PDXK: variants seen among roughly 807,000 people sequenced by gnomAD.
PDXK encodes pyridoxal kinase, also known as epididymis secretory sperm binding protein Li 1a.
Under a neutral mutation model 43.2 loss-of-function variants are expected in PDXK, and 15 were observed. The observed-to-expected ratio is 0.35, with a 90% confidence interval of 0.23 to 0.53. The LOEUF (loss-of-function observed/expected upper bound fraction) is 0.53. Ranked by LOEUF, PDXK falls within the 20% of genes least tolerant of loss-of-function variation. The pLI, the probability that PDXK is intolerant of heterozygous loss-of-function variation, is 0.92. For synonymous variants in PDXK, 172 were observed against 165.4 expected, an observed-to-expected ratio of 1.04 and a Z score of -0.31; for missense variants, 343 against 417.0, an observed-to-expected ratio of 0.82 and a Z score of 1.54.
In PDXK at chr21:43,750,796, A is replaced by G. The variant is rs1027875906; in HGVS notation, c.510+251A>G. 2.8e-3 allele frequency among the ~76,000 whole-genome samples: 326 copies of G among 116,714 alleles called. 5 individuals carry two copies. Among genetic ancestry groups the G allele is most frequent in the African/African-American group, 0.011 (313 of 28,782 alleles). 76.6% of individuals were successfully genotyped at this position (116,714 alleles called of 152,430 possible). On this transcript the variant is annotated intron_variant, in intron 7 of 10. Transcript: ENST00000291565. ...GTATTGTGTGTGGGTGTGTGTGTGG[A>G]TGTGTGCGTGTGTGCGCGCACCCAT...
chr21:43,727,691 G>T (rs79185811), intron 1 of PDXK, among the ~76,000 whole-genome samples: 3,752 of 152,348 alleles, frequency 0.025, 168 homozygotes, highest in African/African-American at 0.086. Flanking sequence ...TCCAAGGGGT[G>T]GGAGGGAGCC....
chr21:43,748,620 A>G (rs2083678931), intron 5 of PDXK, among the ~76,000 whole-genome samples: 1 of 152,118 alleles, frequency 6.6e-6, no homozygotes, highest in South Asian at 2.1e-4. Flanking sequence ...CATGGCCAGC[A>G]CCCCCAAGCC....
At chr21:43,721,234 A>G (rs9981480) in intron 1 of PDXK, among the ~76,000 whole-genome samples, 113,495 of 152,258 alleles carry the variant, frequency 0.75, 42,664 homozygotes, top group South Asian at 0.83. Context: ...GAGCCTGGAA[A>G]TGGCCTTGGG....
At position 43,734,020 on chromosome 21, in the gene PDXK, C is replaced by A. The variant is rs372546951; in HGVS notation, c.88-49C>A. On this transcript the variant is annotated intron_variant, in intron 1 of 10. Coordinates refer to ENST00000291565, the MANE Select transcript of PDXK (RefSeq NM_003681.5). This position sits in a 1 kb window ranked among gnomAD's most constrained non-coding sequence, Gnocchi z 5.0. ...TCAGCACCTGCTGGGGTTCGTGGGA[C>A]CCCAGACCTGGCTCTCTTACGCCTA... 3.1e-6 allele frequency: 5 copies of A among 1,591,088 alleles called. No individual in the cohort carries two copies. The highest frequency in any genetic ancestry group is 4.3e-6 in the Non-Finnish European group (5 of 1,159,306).
intron 1 of PDXK, among the ~76,000 whole-genome samples, chr21:43,724,404 G>A (rs530614011): frequency 1.0e-3 from 152 of 152,314 alleles, no homozygotes; most frequent in Non-Finnish European, 1.8e-3. Flanking sequence ...AGCAGAAGCT[G>A]CAGAGCTTTG....
Position 43,755,935 on chromosome 21 carries a change from TCTGC to T in PDXK, c.827-10_827-7del. 1 of 1,585,472 alleles carries T rather than the reference TCTGC, an allele frequency of 6.3e-7. No homozygotes were observed. The highest frequency in any genetic ancestry group is 8.6e-7 in the Non-Finnish European group (1 of 1,156,972). On this transcript the variant is annotated splice_polypyrimidine_tract_variant and intron_variant, in intron 10 of 10. Coordinates refer to ENST00000291565, the MANE Select transcript of PDXK (RefSeq NM_003681.5). Reference sequence around the variant, plus strand: ...CCTCTGAGATGGGAACTCAGTGCTCTCTGCCTGCCCCGCAGCCCAGGCCGGGGAA... The same window carrying T: ...CCTCTGAGATGGGAACTCAGTGCTCTCTGCCCCGCAGCCCAGGCCGGGGAA...
chr21:43,748,694 C>T (rs1183243788), intron 5 of PDXK, among the ~76,000 whole-genome samples: 1 of 152,084 alleles, frequency 6.6e-6, no homozygotes, highest in Non-Finnish European at 1.5e-5. Context: ...TCTCCCTCCT[C>T]CCTCCCTCCC....
At position 43,735,695 on chromosome 21, in the gene PDXK, T is replaced by C. The variant is rs977770583; in HGVS notation, c.142+1572T>C. 5.9e-5 allele frequency among the ~76,000 whole-genome samples: 9 copies of C among 151,884 alleles called. No individual in the cohort carries two copies. The highest frequency in any genetic ancestry group is 2.9e-5 in the Non-Finnish European group (2 of 67,944). ...GCTGGTTTAGGACCCCTTAGCCAGC[T>C]CAGTCTATGGCTGTGGGCTGGCTCC... On this transcript the variant is annotated intron_variant, in intron 2 of 10. Transcript: ENST00000291565. This position sits in a 1 kb window ranked among gnomAD's most constrained non-coding sequence, Gnocchi z 5.3.
rs144104363 is a variant in PDXK, at chr21:43,734,691, G to A, written c.142+568G>A. Among the ~76,000 whole-genome samples, 17 of 152,246 alleles carry A rather than the reference G, an allele frequency of 1.1e-4. No individual in the cohort carries two copies. In the East Asian group the frequency reaches 3.1e-3, roughly 28 times the overall value. On this transcript the variant is annotated intron_variant, in intron 2 of 10. Coordinates refer to ENST00000291565, the MANE Select transcript of PDXK (RefSeq NM_003681.5). This position sits in a 1 kb window ranked among gnomAD's most constrained non-coding sequence, Gnocchi z 5.0. ...GACTCTGAGGACTTTGCTGGCTCAG[G>A]GGACTGAGGGTGGCCGGCCTCAGAA...
chr21:43,729,133 C>T (rs1763162005), intron 1 of PDXK: 2 of 528,286 alleles, frequency 3.8e-6, no homozygotes, highest in South Asian at 8.1e-5. Context: ...ACCCCGGCTC[C>T]GCTGGGTGCT....
At chr21:43,751,106 G>A (rs2083743423) in intron 7 of PDXK, among the ~76,000 whole-genome samples, 1 of 152,226 alleles carries the variant, frequency 6.6e-6, no homozygotes, top group South Asian at 2.1e-4. Context: ...AGGAGCAGAT[G>A]CAGCAGCCCA....
In PDXK at chr21:43,756,225, G is replaced by T; in HGVS notation, c.*162G>T. On this transcript the variant is annotated 3_prime_UTR_variant, in exon 11 of 11. Coordinates refer to ENST00000291565, the MANE Select transcript of PDXK (RefSeq NM_003681.5). ...GTCTTCATTGTGAAACGTGCCAGTC[G>T]TGCTTTGTGAAAAATAACAAAGTGG... The T allele has an allele frequency of 1.9e-6, 1 of 539,764 alleles. No homozygotes were observed. Among genetic ancestry groups the T allele is most frequent in the South Asian group, 2.5e-5 (1 of 40,226 alleles). The allele number at this position is 539,764 out of a possible 1,614,324, so 33.4% of individuals were successfully genotyped here.
rs148056932 is a variant in PDXK, at chr21:43,751,271, G to A, written c.510+726G>A. 9.0e-3 allele frequency among the ~76,000 whole-genome samples: 1,370 copies of A among 152,314 alleles called. 10 individuals are homozygous for A. The highest frequency in any genetic ancestry group is 0.017 in the Middle Eastern group (5 of 294). Reference sequence around the variant, plus strand: ...TTTATAAAAAACAGAACTTTTGGCCGGATGCAGTGGCTCACGCCTGTAATC... The same window carrying A: ...TTTATAAAAAACAGAACTTTTGGCCAGATGCAGTGGCTCACGCCTGTAATC... On this transcript the variant is annotated intron_variant, in intron 7 of 10. Transcript: ENST00000291565.
At position 43,732,309 on chromosome 21, in the gene PDXK, G is replaced by T; in HGVS notation, c.88-1760G>T. 2 of 1,601,196 alleles carry T rather than the reference G, an allele frequency of 1.2e-6. No individual in the cohort carries two copies. The highest frequency in any genetic ancestry group is 1.1e-5 in the South Asian group (1 of 89,554). ...TCTGGGGTCCCAGGCTCCCGTCCTG[G>T]ACCTTGGCACCCCGCCCCCCGTGCA... is the stretch of plus-strand genomic sequence containing the variant. On this transcript the variant is annotated intron_variant, in intron 1 of 10. Coordinates refer to ENST00000291565, the MANE Select transcript of PDXK (RefSeq NM_003681.5). The surrounding 1 kb of genome is among the most constrained non-coding windows in gnomAD (Gnocchi z 4.1).
chr21:43,730,599 G>T (rs1336097139), intron 1 of PDXK, among the ~76,000 whole-genome samples: 1 of 152,178 alleles, frequency 6.6e-6, no homozygotes, highest in Non-Finnish European at 1.5e-5. Context: ...AACAGATAGT[G>T]TAAAATGCTA....
At chr21:43,743,945 G>C (rs1306845061) in intron 4 of PDXK, 138 bp downstream of exon 4, 1 of 671,956 alleles carries the variant, frequency 1.5e-6, no homozygotes, top group Admixed American at 2.3e-5. Flanking sequence ...CCAGTGAATT[G>C]TGTCTGCTGG....
Position 43,732,172 on chromosome 21 carries a change from G to C in PDXK, c.88-1897G>C. The C allele has an allele frequency of 7.1e-7, 1 of 1,409,890 alleles. No homozygotes were observed. The highest frequency in any genetic ancestry group is 2.6e-5 in the East Asian group (1 of 38,814). 87.3% of individuals were successfully genotyped at this position (1,409,890 alleles called of 1,614,324 possible). A position where few individuals can be genotyped will look rare whatever the true frequency, so the allele number is the denominator to read the frequency against. ...TTCACATTCTTGGTACCTCCTGGTG[G>C]TGCCTGGGAGGGAGCCACTGCTGTA... On this transcript the variant is annotated intron_variant, in intron 1 of 10. Transcript: ENST00000291565. The surrounding 1 kb of genome is among the most constrained non-coding windows in gnomAD (Gnocchi z 4.1).
intron 4 of PDXK, among the ~76,000 whole-genome samples, chr21:43,745,195 G>A (rs965028852): frequency 5.9e-5 from 9 of 152,102 alleles, no homozygotes; most frequent in African/African-American, 1.9e-4. Flanking sequence ...TGAGGTGGGC[G>A]GATCACCTGA....
intron 2 of PDXK, among the ~76,000 whole-genome samples, chr21:43,739,156 G>A (rs1032316381): frequency 1.3e-5 from 2 of 151,992 alleles, no homozygotes; most frequent in African/African-American, 4.8e-5. Context: ...GGTTGGTCTC[G>A]ATCTCCTGAC....
Sources: gnomAD v4.1 joint callset for allele counts (sites outside exome capture counted in the v4.1 genomes callset) on GRCh38, gnomAD v4.1.1 for gene constraint, Gnocchi (gnomAD v3.1) non-coding constraint, MANE v1.5 for transcripts, NCBI Gene and HGNC (gene_info 2026-07-23, HGNC 2026-07-21) for gene names.